Variants in EYA1 observed in about 807,000 individuals in gnomAD.
The protein encoded by EYA1 is protein phosphatase EYA1.
EYA1 carries 16 observed loss-of-function variants against 82.0 expected under a neutral mutation model. The ratio of observed to expected loss-of-function variants is 0.20; its 90% CI spans 0.13 to 0.30. The LOEUF is 0.30. Among genes scored for constraint, EYA1 ranks in the 10% least tolerant of loss-of-function variants. The pLI is 1.00. For missense variants in EYA1, 633 were observed against 730.7 expected (o/e 0.87, Z 1.54); for synonymous variants, 261 against 264.4 (o/e 0.99, Z 0.12).
At chr8:71,512,021 C>A (rs1397230324) in intron 2 of EYA1, among the ~76,000 whole-genome samples, 1 of 75,672 alleles carries the variant, frequency 1.3e-5, no homozygotes, top group Non-Finnish European at 2.6e-5. Flanking sequence ...ATTTTGTTGT[C>A]ATGATCAAAT....
chr8:71,330,370 T>C (rs12679412), intron 4 of EYA1, among the ~76,000 whole-genome samples: 103,655 of 151,970 alleles, frequency 0.68, 35,798 homozygotes, highest in East Asian at 0.96. Context: ...CATCAGGGGC[T>C]TTCCTCTATC....
At chr8:71,461,254 G>A (rs180891730) in intron 2 of EYA1, among the ~76,000 whole-genome samples, 32 of 152,092 alleles carry the variant, frequency 2.1e-4, no homozygotes, top group African/African-American at 6.0e-4. Context: ...GGCTGCACCC[G>A]GCTCATGCTA....
intron 17 of EYA1, among the ~76,000 whole-genome samples, chr8:71,209,137 C>A (rs1808200694): frequency 6.6e-6 from 1 of 152,210 alleles, no homozygotes; most frequent in Non-Finnish European, 1.5e-5. Flanking sequence ...TCCATCCCTG[C>A]CCTGCTGGCC....
chr8:71,323,077 T>C (rs1007679964), intron 4 of EYA1, among the ~76,000 whole-genome samples: 19 of 152,334 alleles, frequency 1.2e-4, no homozygotes, highest in Admixed American at 2.0e-4. Context: ...CAAAAACCTA[T>C]GTTAACAAAG....
intron 17 of EYA1, among the ~76,000 whole-genome samples, chr8:71,201,441 T>C (rs946890513): frequency 1.3e-5 from 2 of 152,150 alleles, no homozygotes; most frequent in East Asian, 1.9e-4. Flanking sequence ...ACTCTCTCTC[T>C]CTCTGCCCCC....
chr8:71,472,786 A>AAGAG (rs796164821), intron 2 of EYA1, among the ~76,000 whole-genome samples: 7 of 82,534 alleles, frequency 8.5e-5, no homozygotes, highest in South Asian at 1.0e-3. Context: ...TGTAGCTTTG[A>AAGAG]AGATATATAT....
chr8:71,314,598 C>T (rs548232153), intron 7 of EYA1, among the ~76,000 whole-genome samples: 10 of 152,128 alleles, frequency 6.6e-5, no homozygotes, highest in African/African-American at 1.4e-4. Context: ...ATCCAGAATG[C>T]TCCTATAAGC....
chr8:71,471,829 A>T (rs2129201600), intron 2 of EYA1, among the ~76,000 whole-genome samples: 1 of 152,206 alleles, frequency 6.6e-6, no homozygotes, highest in East Asian at 1.9e-4. Flanking sequence ...CGGTTATCAA[A>T]CATCCAACTT....
At chr8:71,208,344 A>G (rs1270740688) in intron 17 of EYA1, among the ~76,000 whole-genome samples, 2 of 152,172 alleles carry the variant, frequency 1.3e-5, no homozygotes, top group Non-Finnish European at 2.9e-5. Context: ...AGGCAGGAGA[A>G]TCACTTGAAC....
At chr8:71,242,726 T>G (rs1812622689) in intron 12 of EYA1, among the ~76,000 whole-genome samples, 1 of 151,744 alleles carries the variant, frequency 6.6e-6, no homozygotes, top group Non-Finnish European at 1.5e-5. Context: ...GCCTAACATC[T>G]CACTTTTCAC....
upstream of EYA1, among the ~76,000 whole-genome samples, chr8:71,364,959 T>C (rs1389763327): frequency 7.9e-6 from 1 of 126,194 alleles, no homozygotes. Flanking sequence ...TATATATATA[T>C]ATATATATAT....
chr8:71,438,589 C>T lies in EYA1; in HGVS notation c.34-82078G>A, dbSNP rs879909128. On this transcript the variant is annotated intron_variant, in intron 2 of 18. Coordinates refer to the EYA1 transcript ENST00000643681. The stretch of plus-strand genomic sequence containing the variant: ...TGCTGTCAGGGTTGACCAGTGCAGA[C>T]GAAATGATAGGTGATGCCTTCATGA... Among the ~76,000 whole-genome samples, 7 of 152,026 alleles carry T rather than the reference C, an allele frequency of 4.6e-5. No homozygotes were observed. The South Asian group carries it at 1.0e-3, about 23-fold the overall frequency.
At chr8:71,223,890 T>C (rs1437700400) in intron 12 of EYA1, among the ~76,000 whole-genome samples, 2 of 152,214 alleles carry the variant, frequency 1.3e-5, no homozygotes, top group African/African-American at 2.4e-5. Flanking sequence ...ACTGTAGTAG[T>C]TGTACTTTCC....
intron 12 of EYA1, among the ~76,000 whole-genome samples, chr8:71,240,188 G>A (rs563192306): frequency 6.6e-6 from 1 of 151,438 alleles, no homozygotes; most frequent in Admixed American, 6.6e-5. Context: ...ATTACCTAAA[G>A]ACCATCCACA....
chr8:71,355,003 G>C, intron 2 of EYA1, 94 bp from the exon 3 acceptor site: 1 of 1,233,780 alleles, frequency 8.1e-7, no homozygotes, highest in Non-Finnish European at 1.2e-6. Context: ...AAACACACTT[G>C]CACAAAAGTC....
chr8:71,299,626 T>A lies in EYA1; in HGVS notation c.639+12A>T. 3.4e-6 allele frequency: 5 copies of A among 1,478,958 alleles called. No individual in the cohort carries two copies. Among genetic ancestry groups the A allele is most frequent in the Non-Finnish European group, 4.7e-6 (5 of 1,058,016 alleles). 91.6% of individuals were successfully genotyped at this position (1,478,958 alleles called of 1,614,324 possible). On this transcript the variant is annotated intron_variant, in intron 8 of 17. Transcript: ENST00000340726. ...GATATTTTTCAGAAGTTAAACTGGC[T>A]TTTTAAATTACCTGCTGTGAACTAT...
chr8:71,436,103 G>C (rs1266396981), intron 2 of EYA1, among the ~76,000 whole-genome samples: 1 of 152,054 alleles, frequency 6.6e-6, no homozygotes, highest in Non-Finnish European at 1.5e-5. Flanking sequence ...TTTTGAAGAA[G>C]AATGGAAAGG....
intron 2 of EYA1, among the ~76,000 whole-genome samples, chr8:71,519,159 C>G (rs939500090): frequency 9.2e-5 from 14 of 152,256 alleles, no homozygotes; most frequent in Admixed American, 7.2e-4. Context: ...TGGCTTTGAT[C>G]TCTTCTGAGT....
chr8:71,237,240 TG>T (rs1247811254), intron 12 of EYA1, among the ~76,000 whole-genome samples: 1 of 152,048 alleles, frequency 6.6e-6, no homozygotes, highest in Non-Finnish European at 1.5e-5. Flanking sequence ...TTAGTAGAGA[TG>T]GGGTCTCACC....
Sources: gnomAD v4.1 joint callset for allele counts (sites outside exome capture counted in the v4.1 genomes callset) on GRCh38, gnomAD v4.1.1 for gene constraint, MANE v1.5 for transcripts, NCBI Gene and HGNC (gene_info 2026-07-23, HGNC 2026-07-21) for gene names.